The following PCDH9 variants were observed in gnomAD, a reference collection of about 807,000 sequenced individuals.
The protein encoded by PCDH9 is protocadherin-9.
PCDH9 carries 24 observed loss-of-function variants against 70.6 expected under a neutral mutation model. The observed-to-expected ratio is 0.34, with a 90% CI of 0.25 to 0.48. The LOEUF (loss-of-function observed/expected upper bound fraction) is 0.48. PCDH9 is among the 20% of genes least tolerant of loss of function. PCDH9 has a pLI of 0.99. For missense variants in PCDH9, 1,281 were observed against 1,503.6 expected (o/e 0.85, Z 2.45); for synonymous variants, 562 against 558.5 (o/e 1.01, Z -0.09).
At chr13:66,336,064 A>G (rs1956032212) in intron 4 of PCDH9, among the ~76,000 whole-genome samples, 1 of 152,034 alleles carries the variant, frequency 6.6e-6, no homozygotes, top group Non-Finnish European at 1.5e-5. Context: ...ATGGGTACAT[A>G]ATGGAAAGAG....
At chr13:66,523,971 T>C (rs1470834362) in intron 4 of PCDH9, among the ~76,000 whole-genome samples, 1 of 152,032 alleles carries the variant, frequency 6.6e-6, no homozygotes, top group Non-Finnish European at 1.5e-5. Context: ...TATTCAGAGG[T>C]AATCAAGGTC....
intron 3 of PCDH9, among the ~76,000 whole-genome samples, chr13:66,895,878 T>C (rs746053539): frequency 5.3e-5 from 8 of 152,208 alleles, no homozygotes; most frequent in Admixed American, 1.3e-4. Context: ...CCCCCCTCTC[T>C]TTGTGCATCA....
chr13:66,386,649 T>C (rs1182057053), intron 4 of PCDH9, among the ~76,000 whole-genome samples: 2 of 152,158 alleles, frequency 1.3e-5, no homozygotes, highest in East Asian at 1.9e-4. Context: ...CCAAAAGTTA[T>C]GGGGTCCATA....
At chr13:67,139,009 C>G (rs2087305191) in intron 2 of PCDH9, among the ~76,000 whole-genome samples, 1 of 152,098 alleles carries the variant, frequency 6.6e-6, no homozygotes, top group South Asian at 2.1e-4. Context: ...GGATCCAGAG[C>G]AGTAAGATAA....
intron 3 of PCDH9, among the ~76,000 whole-genome samples, chr13:66,781,838 A>G (rs890602454): frequency 3.3e-5 from 5 of 151,300 alleles, no homozygotes; most frequent in African/African-American, 1.2e-4. Flanking sequence ...ATTCATTTCA[A>G]TAACATCTAT....
At chr13:67,103,933 AC>A (rs1414504157) in intron 2 of PCDH9, among the ~76,000 whole-genome samples, 1 of 152,180 alleles carries the variant, frequency 6.6e-6, no homozygotes. Context: ...GAGTTCAGGG[AC>A]CTTCAGAAAG....
chr13:66,664,896 C>A (rs1176937363), intron 3 of PCDH9, among the ~76,000 whole-genome samples: 5 of 152,100 alleles, frequency 3.3e-5, no homozygotes, highest in Admixed American at 3.3e-4. Flanking sequence ...CCCTTCACTG[C>A]AACTTAAAAA....
chr13:66,731,528 T>C (rs113752859), intron 3 of PCDH9, among the ~76,000 whole-genome samples: 2,541 of 152,246 alleles, frequency 0.017, 72 homozygotes, highest in African/African-American at 0.057. Context: ...ATGAAAATTA[T>C]CTATATGGTA....
intron 2 of PCDH9, among the ~76,000 whole-genome samples, chr13:66,998,604 T>A (rs147204496): frequency 6.6e-6 from 1 of 152,204 alleles, no homozygotes; most frequent in African/African-American, 2.4e-5. Flanking sequence ...ATCTCAGCAG[T>A]TGCCAAAATT....
intron 2 of PCDH9, among the ~76,000 whole-genome samples, chr13:66,911,296 A>G (rs897211095): frequency 6.6e-6 from 1 of 152,158 alleles, no homozygotes; most frequent in Admixed American, 6.6e-5. Context: ...ATTCTGCTAA[A>G]TGAATAAATA....
chr13:66,313,685 G>T (rs531454296), intron 4 of PCDH9, among the ~76,000 whole-genome samples: 2 of 152,070 alleles, frequency 1.3e-5, no homozygotes, highest in African/African-American at 4.8e-5. Flanking sequence ...AACTGATGAC[G>T]TTCATTTTCA....
intron 2 of PCDH9, among the ~76,000 whole-genome samples, chr13:67,050,015 C>A (rs937909944): frequency 2.0e-5 from 3 of 152,038 alleles, no homozygotes; most frequent in Non-Finnish European, 4.4e-5. Context: ...TCTAGTTGAC[C>A]TTAAATGTTT....
At chr13:66,723,099 T>A (rs2078963232) in intron 3 of PCDH9, among the ~76,000 whole-genome samples, 1 of 149,996 alleles carries the variant, frequency 6.7e-6, no homozygotes, top group African/African-American at 2.4e-5. Context: ...TCCTCCCACA[T>A]TTTTTTTTGG....
At chr13:66,548,198 T>G (rs1338483896) in intron 4 of PCDH9, among the ~76,000 whole-genome samples, 1 of 152,084 alleles carries the variant, frequency 6.6e-6, no homozygotes, top group East Asian at 1.9e-4. Context: ...AAATTGTCAC[T>G]CCATTTATTA....
At chr13:66,345,149 C>A (rs371473012) in intron 4 of PCDH9, among the ~76,000 whole-genome samples, 1 of 152,068 alleles carries the variant, frequency 6.6e-6, no homozygotes, top group Non-Finnish European at 1.5e-5. Flanking sequence ...ATTTAAGGGT[C>A]GAGCTAGTAG....
intron 3 of PCDH9, among the ~76,000 whole-genome samples, chr13:66,866,231 C>T (rs908085595): frequency 6.6e-6 from 1 of 152,100 alleles, no homozygotes; most frequent in Non-Finnish European, 1.5e-5. Context: ...GCCTGTAATC[C>T]CAGCACTTTG....
chr13:66,906,745 T>C (rs2082367582), intron 2 of PCDH9, among the ~76,000 whole-genome samples: 1 of 151,728 alleles, frequency 6.6e-6, no homozygotes, highest in Non-Finnish European at 1.5e-5. Context: ...CAGAGCAAAA[T>C]AAAAGAAAAA....
intron 2 of PCDH9, among the ~76,000 whole-genome samples, chr13:67,180,280 C>A (rs562954976): frequency 3.9e-5 from 6 of 152,012 alleles, no homozygotes; most frequent in African/African-American, 7.2e-5. Flanking sequence ...TTGAAGCCTG[C>A]AAGTTTTAAC....
chr13:66,857,217 T>C (rs899546385), intron 3 of PCDH9, among the ~76,000 whole-genome samples: 5 of 152,140 alleles, frequency 3.3e-5, no homozygotes, highest in Non-Finnish European at 7.4e-5. Flanking sequence ...AGCAAAGTCT[T>C]TGAAGAGGTC....
Sources: allele counts gnomAD v4.1 joint callset (sites outside exome capture counted in the v4.1 genomes callset), GRCh38; gene constraint gnomAD v4.1.1; transcripts MANE v1.5; gene names NCBI Gene and HGNC (gene_info 2026-07-23, HGNC 2026-07-21).